Variants in RYR3 observed in about 807,000 individuals in gnomAD.
The protein encoded by RYR3 is ryanodine receptor 3.
In RYR3, 207 loss-of-function variants were observed where a neutral mutation model predicts 584.3. The ratio of observed to expected loss-of-function variants is 0.35; its 90% CI spans 0.32 to 0.40. The LOEUF is 0.40. RYR3 is among the 10% of genes least tolerant of loss of function. RYR3 has a pLI of 1.00. For synonymous variants in RYR3, 2,416 were observed against 2,248.5 expected, an observed-to-expected ratio of 1.07 and a Z score of -2.11; for missense variants, 5,616 against 6,089.2, an observed-to-expected ratio of 0.92 and a Z score of 2.59.
chr15:33,622,862 A>G (rs1364564685), intron 19 of RYR3, among the ~76,000 whole-genome samples: 3 of 152,220 alleles, frequency 2.0e-5, no homozygotes, highest in African/African-American at 7.2e-5. Flanking sequence ...ATGAAGTATC[A>G]TTTTGAAATA....
chr15:33,487,055 A>T (rs1436349915), intron 2 of RYR3, among the ~76,000 whole-genome samples: 1 of 152,002 alleles, frequency 6.6e-6, no homozygotes. Context: ...AAAATTAGCC[A>T]GGTGTGGTGG....
Position 33,854,426 on chromosome 15 carries a change from C to G in RYR3, c.13837C>G (p.Leu4613Val). The part of the protein sequence containing the change: ...SIDMKYHIWK[L>V]GVVFTDNSFL... ...AGACATGAAGTACCATATCTGGAAG[C>G]TTGGAGTTGTTTTTACTGACAACGT... Residue 4613 changes from leucine (L) to valine (V), a missense_variant, in exon 97 of 104, where the codon CTT becomes GTT. Physicochemically the swap from Leu to Val is conservative, Grantham distance 32. Coordinates refer to ENST00000634891, the MANE Select transcript of RYR3 (RefSeq NM_001036.6). The G allele has an allele frequency of 6.3e-7, 1 of 1,575,928 alleles. No homozygotes were observed. The highest frequency in any genetic ancestry group is 8.6e-7 in the Non-Finnish European group (1 of 1,159,606).
chr15:33,705,101 T>TTCTCTCTCTC (rs10534581), intron 42 of RYR3, among the ~76,000 whole-genome samples: 7,675 of 141,960 alleles, frequency 0.054, 266 homozygotes, highest in Non-Finnish European at 0.06. Flanking sequence ...CACACACTCT[T>TTCTCTCTCTC]TCTCTCTCTC....
At position 33,687,103 on chromosome 15, in the gene RYR3, A is replaced by G. The variant is rs189300440; in HGVS notation, c.5861-9115A>G. Reference sequence around the variant, plus strand: ...AAGAGAAAGAAATAAAGGGTATTCAATTAGGAAAAGAGGAAGTCAAATTGT... The same window carrying G: ...AAGAGAAAGAAATAAAGGGTATTCAGTTAGGAAAAGAGGAAGTCAAATTGT... On this transcript the variant is annotated intron_variant, in intron 38 of 103. Transcript: ENST00000634891. Among the ~76,000 whole-genome samples the G allele has an allele frequency of 2.0e-4, 30 of 152,348 alleles. No homozygotes were observed. The East Asian group carries it at 5.4e-3, about 27-fold the overall frequency.
chr15:33,841,807 T>C, intron 90 of RYR3, 57 bp from the exon 91 acceptor site: 1 of 1,527,034 alleles, frequency 6.5e-7, no homozygotes, highest in Non-Finnish European at 8.8e-7. Flanking sequence ...TAGTCTCCCT[T>C]TTTGGGCCAG....
intron 5 of RYR3, chr15:33,539,016 T>A: frequency 5.8e-6 from 1 of 172,838 alleles, no homozygotes; most frequent in Non-Finnish European, 1.2e-5. Context: ...TGGTCTTGAT[T>A]GGAGTCAATT....
intron 67 of RYR3, among the ~76,000 whole-genome samples, chr15:33,793,743 G>A (rs1415033167): frequency 6.6e-6 from 1 of 151,748 alleles, no homozygotes; most frequent in Non-Finnish European, 1.5e-5. Context: ...GGGAACATTG[G>A]TAACTTTTTG....
intron 45 of RYR3, 95 bp from the exon 46 acceptor site, chr15:33,726,291 C>A: frequency 2.1e-6 from 3 of 1,396,152 alleles, no homozygotes; most frequent in South Asian, 1.3e-5. Context: ...GGACCCCTGC[C>A]CTTAAGCCGT....
chr15:33,320,939 A>G (rs1226760030), intron 1 of RYR3, among the ~76,000 whole-genome samples: 1 of 152,238 alleles, frequency 6.6e-6, no homozygotes, highest in Non-Finnish European at 1.5e-5. Flanking sequence ...GATTCCTGGC[A>G]TTCTGCTTCA....
At chr15:33,625,615 T>C (rs1178548498) in intron 20 of RYR3, among the ~76,000 whole-genome samples, 1 of 152,204 alleles carries the variant, frequency 6.6e-6, no homozygotes, top group Non-Finnish European at 1.5e-5. Flanking sequence ...GGTATGGAGT[T>C]CACAAAGGAA....
At chr15:33,814,900 CAAAAA>C (rs66623531) in intron 74 of RYR3, among the ~76,000 whole-genome samples, 4 of 91,812 alleles carry the variant, frequency 4.4e-5, no homozygotes, top group African/African-American at 8.7e-5. Context: ...GACTCTGTCT[CAAAAA>C]AAAAAAAAAA....
Position 33,662,418 on chromosome 15 carries a change from A to C in RYR3, c.4888A>C (p.Ile1630Leu), listed in dbSNP as rs745905107. 6 of 1,613,956 alleles carry C rather than the reference A, an allele frequency of 3.7e-6. No homozygotes were observed. The highest frequency in any genetic ancestry group is 4.2e-6 in the Non-Finnish European group (5 of 1,179,856). The change falls in exon 35 of 104, where the codon ATC becomes CTC. Residue 1630 changes from isoleucine (I) to leucine (L), a missense_variant. By Grantham distance (5) the Ile-to-Leu change is conservative. Transcript: ENST00000634891. ...GAAGCTGATGATGAAGAACGAGTACATCATCCCCATTACCAGCACCACCAG... is the reference window on the plus strand; with the variant it reads ...GAAGCTGATGATGAAGAACGAGTACCTCATCCCCATTACCAGCACCACCAG... Reference protein sequence around the residue: ...ERKLMMKNEYIIPITSTTRNI... With the variant: ...ERKLMMKNEYLIPITSTTRNI...
At chr15:33,830,283 T>TC (rs1156527433) in intron 85 of RYR3, among the ~76,000 whole-genome samples, 2 of 152,228 alleles carry the variant, frequency 1.3e-5, no homozygotes, top group Non-Finnish European at 2.9e-5. Flanking sequence ...CCCTGTTTAG[T>TC]CAGTAGCCAT....
intron 3 of RYR3, among the ~76,000 whole-genome samples, chr15:33,525,466 CTG>C: frequency 6.6e-6 from 1 of 152,280 alleles, no homozygotes; most frequent in Non-Finnish European, 1.5e-5. Context: ...GTAATTAAAA[CTG>C]TATTAAATCT....
intron 67 of RYR3, among the ~76,000 whole-genome samples, chr15:33,794,320 T>TAAACATATATAAAA (rs1403205012): frequency 9.0e-6 from 1 of 111,694 alleles, no homozygotes; most frequent in Non-Finnish European, 2.0e-5. Context: ...TATATATATA[T>TAAACATATATAAAA]ATTTTTATAT....
chr15:33,854,839 A>T lies in RYR3; in HGVS notation c.13934A>T (p.His4645Leu). The T allele has an allele frequency of 6.2e-7, 1 of 1,613,760 alleles. No homozygotes were observed. The highest frequency in any genetic ancestry group is 8.5e-7 in the Non-Finnish European group (1 of 1,179,838). Residue 4645 changes from histidine (H) to leucine (L), a missense_variant, in exon 98 of 104, where the codon CAC (histidine) becomes CTC (leucine). His to Leu is a moderately conservative substitution (Grantham distance 99). Around this residue, in one of 9 missense-constraint regions of RYR3, gnomAD observed 918 missense variants for 887.4 expected, o/e 1.03. Coordinates refer to ENST00000634891, the MANE Select transcript of RYR3 (RefSeq NM_001036.6). Reference protein sequence around the residue: ...GHYNNFFFAAHLLDIAMGFKT... With the variant: ...GHYNNFFFAALLLDIAMGFKT... Reference sequence around the variant, plus strand: ...TACAATAACTTCTTCTTTGCTGCTCACCTATTGGACATCGCAATGGGCTTC... The same window carrying T: ...TACAATAACTTCTTCTTTGCTGCTCTCCTATTGGACATCGCAATGGGCTTC...
rs559569267 is a variant in RYR3 at position 33,677,028 on chromosome 15, C to T, written c.5860+6472C>T. On this transcript the variant is annotated intron_variant, in intron 38 of 103. Transcript: ENST00000634891. ...ACCTTACCTCGTTTGATTTTATTCTCGCAACAAGCAACCAAGTATAGTGAC... is the reference window on the plus strand; with the variant it reads ...ACCTTACCTCGTTTGATTTTATTCTTGCAACAAGCAACCAAGTATAGTGAC... 5.6e-4 allele frequency among the ~76,000 whole-genome samples: 86 copies of T among 152,282 alleles called. No homozygotes were observed. The Middle Eastern group carries it at 0.014, about 24-fold the overall frequency.
chr15:33,427,111 C>A (rs2044713977), intron 1 of RYR3, among the ~76,000 whole-genome samples: 1 of 152,168 alleles, frequency 6.6e-6, no homozygotes, highest in African/African-American at 2.4e-5. Context: ...TAGTTACCAG[C>A]TGGAGAGGCC....
At chr15:33,789,245 G>A (rs1023399341) in intron 67 of RYR3, among the ~76,000 whole-genome samples, 12 of 152,086 alleles carry the variant, frequency 7.9e-5, no homozygotes, top group African/African-American at 2.9e-4. Context: ...GCCACTGTGA[G>A]GACTCTGACT....
Sources: allele counts gnomAD v4.1 joint callset (sites outside exome capture counted in the v4.1 genomes callset), GRCh38; gene constraint gnomAD v4.1.1; regional missense constraint gnomAD v4.1.1; transcripts MANE v1.5; gene names NCBI Gene and HGNC (gene_info 2026-07-23, HGNC 2026-07-21).